TIPIN: variants seen among roughly 807,000 people sequenced by gnomAD.
TIPIN encodes the protein TIMELESS-interacting protein.
Under a neutral mutation model 35.6 loss-of-function variants are expected in TIPIN, and 29 were observed. The observed-to-expected ratio is 0.82, with a 90% CI of 0.61 to 1.11. TIPIN has a LOEUF of 1.11. Ranked by LOEUF, TIPIN falls within the 50% of genes most tolerant of loss-of-function variation. The pLI is 0.00. For synonymous variants in TIPIN, 102 were observed against 121.5 expected, an observed-to-expected ratio of 0.84 and a Z score of 1.06; for missense variants, 296 against 345.4, an observed-to-expected ratio of 0.86 and a Z score of 1.13.
intron 1 of TIPIN, chr15:66,366,722 G>A: frequency 1.5e-6 from 1 of 653,730 alleles, no homozygotes; most frequent in Non-Finnish European, 1.9e-6. Flanking sequence ...AGCTGAGAAT[G>A]CACCATTGCA....
At chr15:66,357,742 G>A (rs2093213206), upstream of TIPIN, among the ~76,000 whole-genome samples, 1 of 152,142 alleles carries the variant, frequency 6.6e-6, no homozygotes, top group Non-Finnish European at 1.5e-5. Context: ...CAGATCACGA[G>A]GTCAGGAATT....
chr15:66,342,339 A>G (rs760847008), intron 6 of TIPIN, among the ~76,000 whole-genome samples: 1 of 152,150 alleles, frequency 6.6e-6, no homozygotes, highest in East Asian at 1.9e-4. Flanking sequence ...CCCAGTGTCA[A>G]TATGGGAAAA....
At chr15:66,337,955 T>A (rs1214107077) in intron 7 of TIPIN, among the ~76,000 whole-genome samples, 2 of 151,896 alleles carry the variant, frequency 1.3e-5, no homozygotes, top group East Asian at 3.9e-4. Context: ...CTGTTCTTAT[T>A]CAAAATCAAA....
intron 1 of TIPIN, among the ~76,000 whole-genome samples, chr15:66,378,940 T>C (rs1196413479): frequency 6.6e-6 from 1 of 152,152 alleles, no homozygotes; most frequent in East Asian, 1.9e-4. Context: ...AATATTTTCT[T>C]AAGAAATGGG....
At chr15:66,349,175 G>A (rs752987814) in intron 5 of TIPIN, 52 bp from the exon 6 acceptor site, 1 of 1,599,168 alleles carries the variant, frequency 6.3e-7, no homozygotes, top group Non-Finnish European at 8.5e-7. Flanking sequence ...ATCATGTTGG[G>A]GGGAGATAAT....
chr15:66,337,913 A>C (rs1207832906), intron 7 of TIPIN, among the ~76,000 whole-genome samples: 2 of 151,880 alleles, frequency 1.3e-5, no homozygotes, highest in Admixed American at 6.6e-5. Flanking sequence ...AATGTTATTC[A>C]ACTCACACTC....
intron 6 of TIPIN, among the ~76,000 whole-genome samples, chr15:66,344,387 A>G (rs1566972443): frequency 6.6e-6 from 1 of 152,092 alleles, no homozygotes; most frequent in Admixed American, 6.6e-5. Context: ...TTCAAGACCA[A>G]CATCACCAAC....
chr15:66,379,862 A>C (rs2093311649), intron 1 of TIPIN: 1 of 1,593,866 alleles, frequency 6.3e-7, no homozygotes, highest in Non-Finnish European at 8.5e-7. Flanking sequence ...CCTTCAGAGT[A>C]ATGTTGACAT....
At chr15:66,349,202 C>T in intron 5 of TIPIN, 79 bp from the exon 6 acceptor site, 2 of 1,597,562 alleles carry the variant, frequency 1.3e-6, no homozygotes, top group Non-Finnish European at 1.7e-6. Context: ...TTACTTTTCC[C>T]TCTCTACCAA....
intron 1 of TIPIN, among the ~76,000 whole-genome samples, chr15:66,386,189 G>T (rs1398406492): frequency 1.3e-5 from 2 of 152,126 alleles, no homozygotes; most frequent in Non-Finnish European, 1.5e-5. Context: ...CTACTCAGGA[G>T]ACTGAGGCAG....
At chr15:66,352,095 A>G in intron 3 of TIPIN, 34 bp downstream of exon 3, 3 of 1,478,418 alleles carry the variant, frequency 2.0e-6, no homozygotes, top group Non-Finnish European at 2.8e-6. Flanking sequence ...TTAAAAATAA[A>G]AAGTATAAAT....
chr15:66,354,068 C>T (rs2093187548), intron 1 of TIPIN, among the ~76,000 whole-genome samples: 1 of 152,124 alleles, frequency 6.6e-6, no homozygotes, highest in African/African-American at 2.4e-5. Context: ...ATTTTCTTTG[C>T]AGGTTTATCT....
At chr15:66,371,501 T>C (rs2093277497) in intron 1 of TIPIN, 1 of 553,068 alleles carries the variant, frequency 1.8e-6, no homozygotes, top group Non-Finnish European at 2.3e-6. Context: ...TATTTTTCTT[T>C]TCTCTGGTAA....
intron 1 of TIPIN, among the ~76,000 whole-genome samples, chr15:66,356,329 T>C (rs1443010966): frequency 6.6e-6 from 1 of 152,118 alleles, no homozygotes; most frequent in African/African-American, 2.4e-5. Context: ...CAACATTCGC[T>C]GGGGGATTTC....
chr15:66,352,204 G>A lies in TIPIN; in HGVS notation c.137C>T (p.Ser46Leu). ...TACACGAACAGGTGCTCCATTTCCT[G>A]ACTCTGGTGAAACAAACCACGATTC... Reference protein sequence around the residue: ...DGEGTEPDEESGNGAPVRVPP... With the variant: ...DGEGTEPDEELGNGAPVRVPP... Residue 46 changes from serine to leucine, a missense_variant, in exon 3 of 8, where the codon TCA becomes TTA. Physicochemically the swap from Ser to Leu is moderately radical, Grantham distance 145 (BLOSUM62 -2). Transcript: ENST00000261881. 1 of 1,601,802 alleles carries A rather than the reference G, an allele frequency of 6.2e-7. No homozygotes were observed. Among genetic ancestry groups the A allele is most frequent in the Non-Finnish European group, 8.5e-7 (1 of 1,175,118 alleles).
At chr15:66,339,147 AAAAAAAAAAAG>A (rs1462141039) in intron 7 of TIPIN, among the ~76,000 whole-genome samples, 1 of 56,014 alleles carries the variant, frequency 1.8e-5, no homozygotes, top group Non-Finnish European at 3.2e-5. Context: ...AAAAAAAAAA[AAAAAAAAAAAG>A]CAAAAAGAAA....
chr15:66,361,819 C>T (rs559253306), intron 1 of TIPIN, among the ~76,000 whole-genome samples: 20 of 151,620 alleles, frequency 1.3e-4, no homozygotes, highest in Admixed American at 5.3e-4. Context: ...ACCAGCCTGA[C>T]CAACACGGAG....
intron 6 of TIPIN, among the ~76,000 whole-genome samples, chr15:66,348,088 A>G (rs1044113552): frequency 2.7e-5 from 4 of 146,026 alleles, no homozygotes; most frequent in African/African-American, 1.0e-4. Flanking sequence ...GGTTCACTGC[A>G]GCCTTGAACT....
At chr15:66,345,235 G>A (rs1365562989) in intron 6 of TIPIN, among the ~76,000 whole-genome samples, 1 of 152,038 alleles carries the variant, frequency 6.6e-6, no homozygotes, top group Non-Finnish European at 1.5e-5. Flanking sequence ...TCCAGGCAGA[G>A]TACGGCAATA....
Sources: gnomAD v4.1 joint callset for allele counts (sites outside exome capture counted in the v4.1 genomes callset) on GRCh38, gnomAD v4.1.1 for gene constraint, MANE v1.5 for transcripts, NCBI Gene and HGNC (gene_info 2026-07-23, HGNC 2026-07-21) for gene names.